HPSE2: variants seen among roughly 807,000 people sequenced by gnomAD.
HPSE2 encodes heparanase 2 (inactive).
Under a neutral mutation model 60.5 loss-of-function variants are expected in HPSE2, and 38 were observed. That is an observed-to-expected ratio of 0.63 (90% CI 0.48 to 0.82). The LOEUF is 0.82. Ranked by LOEUF, HPSE2 falls within the 40% of genes least tolerant of loss-of-function variation. The pLI is 0.00. For synonymous variants in HPSE2, 295 were observed against 293.2 expected (o/e 1.01, Z -0.06); for missense variants, 713 against 740.4 (o/e 0.96, Z 0.43).
chr10:99,076,656 G>A (rs1361273360), intron 3 of HPSE2, among the ~76,000 whole-genome samples: 1 of 152,088 alleles, frequency 6.6e-6, no homozygotes, highest in Non-Finnish European at 1.5e-5. Flanking sequence ...CCAAAGTACT[G>A]GGATTACAGG....
intron 9 of HPSE2, among the ~76,000 whole-genome samples, chr10:98,582,025 G>A (rs996013678): frequency 6.6e-6 from 1 of 152,168 alleles, no homozygotes; most frequent in Non-Finnish European, 1.5e-5. Context: ...CATTGTGCAA[G>A]CTCTTCTCCA....
intron 3 of HPSE2, among the ~76,000 whole-genome samples, chr10:98,775,721 T>C (rs776374134): frequency 5.9e-5 from 9 of 152,160 alleles, no homozygotes; most frequent in Non-Finnish European, 1.3e-4. Context: ...ATACTAATAT[T>C]GTAGTCCGAA....
At chr10:98,725,584 G>A (rs1949052479) in intron 4 of HPSE2, among the ~76,000 whole-genome samples, 1 of 152,134 alleles carries the variant, frequency 6.6e-6, no homozygotes, top group South Asian at 2.1e-4. Flanking sequence ...CATGGTCAAG[G>A]ACTTCATGTC....
At chr10:98,905,533 T>G (rs981657471) in intron 3 of HPSE2, among the ~76,000 whole-genome samples, 3 of 152,114 alleles carry the variant, frequency 2.0e-5, no homozygotes, top group Non-Finnish European at 4.4e-5. Flanking sequence ...TACTTACATG[T>G]TCAGGATCCA....
At chr10:99,240,473 C>T (rs369996843), upstream of HPSE2, among the ~76,000 whole-genome samples, 24 of 146,854 alleles carry the variant, frequency 1.6e-4, no homozygotes, top group African/African-American at 3.5e-4. Context: ...TGCAGTGGTG[C>T]GATCTCAGCT....
rs1367672205 is a variant in HPSE2 at position 98,482,728 on chromosome 10, T to G, written c.1521A>C (p.Ser507=). The G allele has an allele frequency of 1.9e-6, 3 of 1,614,088 alleles. No individual in the cohort carries two copies. Among genetic ancestry groups the G allele is most frequent in the Non-Finnish European group, 2.5e-6 (3 of 1,180,046 alleles). The change falls in exon 11 of 12, where the codon TCA becomes TCC. Residue 507 remains serine (S), a synonymous_variant. Coordinates refer to ENST00000370552, the MANE Select transcript of HPSE2 (RefSeq NM_021828.5). ...TCCCAGCCAGCTTGATTTTCTTTCTTGATCGATGCAAGTTGATGATAAAAA... is the reference window on the plus strand; with the variant it reads ...TCCCAGCCAGCTTGATTTTCTTTCTGGATCGATGCAAGTTGATGATAAAAA... ...ITLFIINLHR[S]RKKIKLAGTL... is the part of the protein sequence containing the mutation.
intron 3 of HPSE2, among the ~76,000 whole-genome samples, chr10:98,753,363 A>G (rs1472079091): frequency 1.3e-5 from 2 of 152,192 alleles, no homozygotes; most frequent in Non-Finnish European, 2.9e-5. Flanking sequence ...AGCTAGATCT[A>G]AAATTACCAT....
rs982989800 is a variant in HPSE2 at position 99,146,866 on chromosome 10, A to G, written c.449-2467T>C. Among the ~76,000 whole-genome samples the G allele has an allele frequency of 2.6e-5, 4 of 152,234 alleles. No homozygotes were observed. The South Asian group carries it at 6.2e-4, about 24-fold the overall frequency. Reference sequence around the variant, plus strand: ...AAAGAGTGAGACTCCATCAAAAAAAATAAAAATAAAAATAAGCAAGAGGGT... The same window carrying G: ...AAAGAGTGAGACTCCATCAAAAAAAGTAAAAATAAAAATAAGCAAGAGGGT... On this transcript the variant is annotated intron_variant, in intron 2 of 11. Transcript: ENST00000370552.
intron 9 of HPSE2, among the ~76,000 whole-genome samples, chr10:98,539,380 G>T (rs1173855447): frequency 6.6e-6 from 1 of 152,124 alleles, no homozygotes; most frequent in Non-Finnish European, 1.5e-5. Context: ...CATTAGCCGG[G>T]CGTGGTGGTG....
chr10:99,204,335 T>A (rs992203494), intron 2 of HPSE2, among the ~76,000 whole-genome samples: 14 of 152,202 alleles, frequency 9.2e-5, no homozygotes, highest in African/African-American at 3.1e-4. Flanking sequence ...GCCTGATGAC[T>A]CCAGCAGCAG....
chr10:99,173,592 T>C (rs947886814), intron 2 of HPSE2, among the ~76,000 whole-genome samples: 6 of 152,174 alleles, frequency 3.9e-5, no homozygotes, highest in African/African-American at 7.2e-5. Flanking sequence ...TAATAAATAC[T>C]GGAAAGGGTC....
intron 4 of HPSE2, among the ~76,000 whole-genome samples, chr10:98,737,432 G>GAAACA (rs1949386362): frequency 7.2e-6 from 1 of 138,026 alleles, no homozygotes; most frequent in Non-Finnish European, 1.6e-5. Flanking sequence ...GTTAGACAGT[G>GAAACA]GGTGCAGCCC....
chr10:99,190,873 C>T (rs1230499862), intron 2 of HPSE2, among the ~76,000 whole-genome samples: 2 of 152,156 alleles, frequency 1.3e-5, no homozygotes, highest in Non-Finnish European at 2.9e-5. Context: ...CTGGACCTGC[C>T]CTGGGCCAGA....
At chr10:99,038,830 T>C (rs935671327) in intron 3 of HPSE2, among the ~76,000 whole-genome samples, 12 of 152,142 alleles carry the variant, frequency 7.9e-5, no homozygotes, top group Non-Finnish European at 1.5e-5. Context: ...AGTTTTTGAA[T>C]ATCATTATAT....
chr10:99,110,696 C>T (rs192045386), intron 3 of HPSE2, among the ~76,000 whole-genome samples: 8 of 152,050 alleles, frequency 5.3e-5, no homozygotes, highest in Admixed American at 1.3e-4. Context: ...TATTAGAAAG[C>T]ACAAAAATTC....
chr10:98,798,895 C>T (rs1311065478), intron 3 of HPSE2, among the ~76,000 whole-genome samples: 1 of 152,040 alleles, frequency 6.6e-6, no homozygotes, highest in East Asian at 1.9e-4. Flanking sequence ...TCAGTGATAA[C>T]ATTGAATGGA....
chr10:98,863,742 A>G (rs1294440381), intron 3 of HPSE2, among the ~76,000 whole-genome samples: 2 of 152,212 alleles, frequency 1.3e-5, no homozygotes, highest in African/African-American at 4.8e-5. Flanking sequence ...CCTTATATGA[A>G]GTATAATGAG....
At chr10:99,007,408 T>A (rs1313370363) in intron 3 of HPSE2, among the ~76,000 whole-genome samples, 4 of 152,166 alleles carry the variant, frequency 2.6e-5, no homozygotes, top group Non-Finnish European at 5.9e-5. Flanking sequence ...GGAGGAGAGA[T>A]GCAGGTGATG....
At chr10:98,587,504 G>C (rs1944970627) in intron 9 of HPSE2, among the ~76,000 whole-genome samples, 1 of 152,126 alleles carries the variant, frequency 6.6e-6, no homozygotes, top group South Asian at 2.1e-4. Context: ...AGACACTTAG[G>C]GCCAGAAAAT....
Sources: allele counts gnomAD v4.1 joint callset (sites outside exome capture counted in the v4.1 genomes callset), GRCh38; gene constraint gnomAD v4.1.1; transcripts MANE v1.5; gene names NCBI Gene and HGNC (gene_info 2026-07-23, HGNC 2026-07-21).